The following DLG2 variants were observed in gnomAD, a reference collection of about 807,000 sequenced individuals.
DLG2 encodes the protein disks large homolog 2.
In DLG2, 45 loss-of-function variants were observed where a neutral mutation model predicts 132.5. That is an observed-to-expected ratio of 0.34 (90% CI 0.27 to 0.44). The LOEUF (loss-of-function observed/expected upper bound fraction) is 0.44, where lower values mean the gene tolerates loss of function less well. Among genes scored for constraint, DLG2 ranks in the 20% least tolerant of loss-of-function variants. The probability of loss-of-function intolerance (pLI) is 1.00; values close to 1 mark genes in which losing one functional copy is unlikely to be tolerated. For synonymous variants in DLG2, 424 were observed against 419.6 expected (o/e 1.01, Z -0.13); for missense variants, 1,045 against 1,196.9 (o/e 0.87, Z 1.87).
chr11:83,752,869 G>C (rs2093392398), intron 18 of DLG2, among the ~76,000 whole-genome samples: 1 of 152,230 alleles, frequency 6.6e-6, no homozygotes, highest in African/African-American at 2.4e-5. Flanking sequence ...TACAGATGCA[G>C]ATAGATGGGC....
intron 6 of DLG2, among the ~76,000 whole-genome samples, chr11:84,850,253 C>A (rs1447768909): frequency 6.6e-6 from 1 of 152,096 alleles, no homozygotes; most frequent in Non-Finnish European, 1.5e-5. Context: ...TAAAAATTTG[C>A]TATGCAACAT....
intron 7 of DLG2, among the ~76,000 whole-genome samples, chr11:84,506,327 G>A (rs1163422986): frequency 1.3e-5 from 2 of 151,726 alleles, no homozygotes; most frequent in African/African-American, 2.4e-5. Context: ...CGCCCGCCTC[G>A]GCCTCCCAAA....
Position 85,596,829 on chromosome 11 carries a change from G to A in DLG2, c.40+1828C>T, listed in dbSNP as rs79072594. ...CTTAAAGAAAATGCACAGTAAGACC[G>A]CCCAAACATTCAATAATAATAGATT... is the stretch of plus-strand genomic sequence containing the variant. On this transcript the variant is annotated intron_variant, in intron 3 of 27. Coordinates refer to ENST00000376104, the MANE Select transcript of DLG2 (RefSeq NM_001142699.3). 9.1e-3 allele frequency among the ~76,000 whole-genome samples: 1,392 copies of A among 152,214 alleles called. 19 individuals carry two copies. Among genetic ancestry groups the A allele is most frequent in the African/African-American group, 0.03 (1,238 of 41,532 alleles).
At chr11:84,040,800 A>G (rs1432158336) in intron 11 of DLG2, among the ~76,000 whole-genome samples, 2 of 151,586 alleles carry the variant, frequency 1.3e-5, no homozygotes, top group Non-Finnish European at 2.9e-5. Flanking sequence ...GAATCTGTAA[A>G]TTACCTTGGG....
chr11:84,326,757 C>A (rs2098435148), intron 7 of DLG2, among the ~76,000 whole-genome samples: 1 of 152,082 alleles, frequency 6.6e-6, no homozygotes, highest in Non-Finnish European at 1.5e-5. Flanking sequence ...TCATTCAAGT[C>A]CTCTGTTTCC....
chr11:83,577,509 T>TTATATATATATATATAATAGGATATATTA (rs1211594819), intron 19 of DLG2, among the ~76,000 whole-genome samples: 2 of 128,448 alleles, frequency 1.6e-5, no homozygotes, highest in African/African-American at 5.8e-5. Flanking sequence ...ATAGGATATA[T>TTATATATATATATATAATAGGATATATTA]TATATATATA....
intron 7 of DLG2, among the ~76,000 whole-genome samples, chr11:84,344,384 T>C (rs1386688899): frequency 6.6e-6 from 1 of 152,160 alleles, no homozygotes; most frequent in Non-Finnish European, 1.5e-5. Context: ...GGTTTTAGAG[T>C]AGTGTACTCA....
intron 7 of DLG2, among the ~76,000 whole-genome samples, chr11:84,311,730 G>A (rs539417770): frequency 1.1e-3 from 163 of 152,272 alleles, no homozygotes; most frequent in African/African-American, 3.8e-3. Context: ...TCCTCATCAA[G>A]GTCCACCCGG....
chr11:84,670,613 A>C (rs2099704748), intron 6 of DLG2, among the ~76,000 whole-genome samples: 1 of 152,144 alleles, frequency 6.6e-6, no homozygotes, highest in African/African-American at 2.4e-5. Flanking sequence ...AATACAAACC[A>C]CTATTGATTG....
At chr11:84,276,415 T>C (rs766411806) in intron 7 of DLG2, among the ~76,000 whole-genome samples, 2 of 152,246 alleles carry the variant, frequency 1.3e-5, no homozygotes, top group Non-Finnish European at 2.9e-5. Flanking sequence ...ATTTACCTTA[T>C]CAAATATTTA....
chr11:83,944,371 G>T (rs1272306252), intron 14 of DLG2, among the ~76,000 whole-genome samples: 1 of 152,140 alleles, frequency 6.6e-6, no homozygotes, highest in African/African-American at 2.4e-5. Context: ...TACACTGTTG[G>T]CCAAAGTCTT....
intron 7 of DLG2, among the ~76,000 whole-genome samples, chr11:84,252,140 CTTTTTTTTTTTTTTTTTTT>C (rs1176873990): frequency 1.5e-5 from 1 of 65,338 alleles, no homozygotes; most frequent in South Asian, 8.1e-4. Flanking sequence ...TTCTTTCTTT[CTTTTTTTTTTTTTTTTTTT>C]TTTTTTTTGA....
chr11:84,859,827 G>A (rs1210364470), intron 6 of DLG2, among the ~76,000 whole-genome samples: 1 of 151,698 alleles, frequency 6.6e-6, no homozygotes, highest in African/African-American at 2.4e-5. Context: ...GAGAAGTAGA[G>A]GCAAGTTTAA....
chr11:84,596,218 CTT>C (rs1491151275), intron 6 of DLG2, among the ~76,000 whole-genome samples: 1 of 150,654 alleles, frequency 6.6e-6, no homozygotes, highest in Non-Finnish European at 1.5e-5. Flanking sequence ...CTCTCTCTCT[CTT>C]TCTCTTGACG....
intron 9 of DLG2, among the ~76,000 whole-genome samples, chr11:84,112,249 C>G (rs1201670082): frequency 6.6e-6 from 1 of 151,608 alleles, no homozygotes; most frequent in African/African-American, 2.4e-5. Context: ...CCACCCGCCT[C>G]GGCCTCCCCA....
At chr11:83,831,576 T>C (rs547213446) in intron 17 of DLG2, among the ~76,000 whole-genome samples, 1 of 151,998 alleles carries the variant, frequency 6.6e-6, no homozygotes. Flanking sequence ...GATTTTCCCA[T>C]TTTTTGAAGG....
intron 3 of DLG2, among the ~76,000 whole-genome samples, chr11:85,309,699 A>T (rs1364697440): frequency 1.3e-5 from 2 of 152,162 alleles, no homozygotes; most frequent in Non-Finnish European, 2.9e-5. Flanking sequence ...TTGTTTGGGT[A>T]TGCTGTGCAG....
intron 7 of DLG2, among the ~76,000 whole-genome samples, chr11:84,356,952 G>A (rs1275820313): frequency 1.3e-5 from 2 of 152,070 alleles, no homozygotes; most frequent in Non-Finnish European, 2.9e-5. Context: ...GGGCTATTGG[G>A]TAGAAATCAG....
At chr11:84,818,392 T>C (rs1473125741) in intron 6 of DLG2, among the ~76,000 whole-genome samples, 5 of 151,820 alleles carry the variant, frequency 3.3e-5, no homozygotes. Flanking sequence ...CTCAATAGAG[T>C]TCTTTCTCTC....
Sources: gnomAD v4.1 joint callset for allele counts (sites outside exome capture counted in the v4.1 genomes callset) on GRCh38, gnomAD v4.1.1 for gene constraint, MANE v1.5 for transcripts, NCBI Gene and HGNC (gene_info 2026-07-23, HGNC 2026-07-21) for gene names.